The following TTC28 variants were observed in gnomAD, a reference collection of about 807,000 sequenced individuals.
TTC28 encodes tetratricopeptide repeat protein 28.
TTC28 carries 61 observed loss-of-function variants against 198.0 expected under a neutral mutation model. The ratio of observed to expected loss-of-function variants is 0.31; its 90% confidence interval spans 0.25 to 0.38. TTC28 has a LOEUF of 0.38. TTC28 is among the 10% of genes least tolerant of loss of function. TTC28 has a pLI of 1.00. For missense variants in TTC28, 2,678 were observed against 3,164.0 expected (o/e 0.85, Z 3.69); for synonymous variants, 1,171 against 1,297.8 (o/e 0.90, Z 2.10).
chr22:28,119,722 A>G (rs543408232), intron 6 of TTC28, among the ~76,000 whole-genome samples: 4 of 152,354 alleles, frequency 2.6e-5, no homozygotes, highest in African/African-American at 9.6e-5. Context: ...CAAAACGACA[A>G]TAGCACCACA....
chr22:28,295,869 T>G (rs1324283153), intron 5 of TTC28, among the ~76,000 whole-genome samples: 1 of 152,198 alleles, frequency 6.6e-6, no homozygotes, highest in Non-Finnish European at 1.5e-5. Context: ...TTTTTACAAT[T>G]TAATGAGTAT....
intron 11 of TTC28, 23 bp downstream of exon 11, chr22:28,096,167 G>A (rs765625306): frequency 2.0e-6 from 3 of 1,520,762 alleles, no homozygotes; most frequent in South Asian, 2.6e-5. Context: ...TAATTGCCCT[G>A]TTCCCACAGA....
At chr22:28,289,245 C>G (rs1000316764) in intron 5 of TTC28, among the ~76,000 whole-genome samples, 2 of 152,064 alleles carry the variant, frequency 1.3e-5, no homozygotes, top group Non-Finnish European at 2.9e-5. Flanking sequence ...AGGTATGTAT[C>G]CAGGAGGCAG....
chr22:28,173,700 T>G (rs1922897610), intron 5 of TTC28, among the ~76,000 whole-genome samples: 1 of 152,230 alleles, frequency 6.6e-6, no homozygotes, highest in African/African-American at 2.4e-5. Flanking sequence ...AGAAATTTGT[T>G]CATATTTCTT....
intron 2 of TTC28, among the ~76,000 whole-genome samples, chr22:28,460,607 GTAGATAGATAGATAGATAGATAGA>G (rs4035771): frequency 0.018 from 2,603 of 144,696 alleles, 43 homozygotes; most frequent in Middle Eastern, 0.056. Flanking sequence ...ATGATTAATG[GTAGATAGATAGATAGATAGATAGA>G]TAGATAGATA....
At chr22:28,268,581 A>T (rs1384943208) in intron 5 of TTC28, among the ~76,000 whole-genome samples, 1 of 152,204 alleles carries the variant, frequency 6.6e-6, no homozygotes, top group Non-Finnish European at 1.5e-5. Context: ...GTTTGAAAAT[A>T]TCTGATTCTA....
chr22:28,109,947 C>A (rs1441101710), intron 6 of TTC28, among the ~76,000 whole-genome samples: 3 of 152,194 alleles, frequency 2.0e-5, no homozygotes, highest in Non-Finnish European at 4.4e-5. Flanking sequence ...CTAGCCTCCC[C>A]AATTTGTGTA....
intron 2 of TTC28, among the ~76,000 whole-genome samples, chr22:28,364,386 G>A (rs919019789): frequency 3.9e-5 from 6 of 152,104 alleles, no homozygotes; most frequent in East Asian, 1.9e-4. Flanking sequence ...TCTGTCTTTT[G>A]TAAATTGCCC....
At chr22:28,304,170 AG>A (rs1054192382) in intron 3 of TTC28, among the ~76,000 whole-genome samples, 2 of 152,250 alleles carry the variant, frequency 1.3e-5, no homozygotes, top group Non-Finnish European at 2.9e-5. Flanking sequence ...CTGTAGTCCC[AG>A]CTACTCAGGA....
chr22:28,104,787 C>T (rs1942248703), intron 8 of TTC28, among the ~76,000 whole-genome samples: 1 of 152,136 alleles, frequency 6.6e-6, no homozygotes, highest in Non-Finnish European at 1.5e-5. Context: ...ACCTCAGCTG[C>T]CATGTCAGAA....
At chr22:28,259,871 A>G (rs1249402994) in intron 5 of TTC28, among the ~76,000 whole-genome samples, 1 of 152,156 alleles carries the variant, frequency 6.6e-6, no homozygotes, top group African/African-American at 2.4e-5. Context: ...CTCAGAGGAA[A>G]TTGCAAGGAG....
At chr22:28,198,695 A>G (rs1329955807) in intron 5 of TTC28, among the ~76,000 whole-genome samples, 1 of 152,078 alleles carries the variant, frequency 6.6e-6, no homozygotes, top group Admixed American at 6.6e-5. Flanking sequence ...CAGGCTGGAG[A>G]TAGGGCCCGG....
intron 2 of TTC28, among the ~76,000 whole-genome samples, chr22:28,484,911 T>C (rs1190107713): frequency 6.6e-6 from 1 of 152,196 alleles, no homozygotes; most frequent in Non-Finnish European, 1.5e-5. Context: ...TAGCATAGCA[T>C]CTGTAAATCT....
chr22:28,032,190 A>AAT (rs1315864224), intron 12 of TTC28, among the ~76,000 whole-genome samples: 93 of 72,996 alleles, frequency 1.3e-3, no homozygotes, highest in South Asian at 2.7e-3. Flanking sequence ...ATATATATAA[A>AAT]ATATATATAT....
intron 1 of TTC28, among the ~76,000 whole-genome samples, chr22:28,648,546 T>C (rs932167985): frequency 7.2e-5 from 11 of 152,230 alleles, no homozygotes; most frequent in African/African-American, 2.7e-4. Context: ...TGCATGCATA[T>C]GTTTATTGCC....
At chr22:28,078,969 A>G (rs1291072985) in intron 12 of TTC28, among the ~76,000 whole-genome samples, 1 of 152,196 alleles carries the variant, frequency 6.6e-6, no homozygotes, top group East Asian at 1.9e-4. Flanking sequence ...AGGTGAAAGG[A>G]GGCCAGGGGG....
intron 3 of TTC28, among the ~76,000 whole-genome samples, chr22:28,304,833 G>T (rs1475945123): frequency 1.3e-5 from 2 of 152,122 alleles, no homozygotes; most frequent in African/African-American, 4.8e-5. Flanking sequence ...CTGTGGAGGG[G>T]TGTAGGGAGA....
chr22:28,333,846 CTTTATTTTT>C (rs1428786851), intron 2 of TTC28, among the ~76,000 whole-genome samples: 1 of 151,694 alleles, frequency 6.6e-6, no homozygotes, highest in Non-Finnish European at 1.5e-5. Context: ...ACTGTATTTT[CTTTATTTTT>C]TATTTTTTAT....
At chr22:28,355,777 A>G (rs1337527086) in intron 2 of TTC28, among the ~76,000 whole-genome samples, 1 of 152,192 alleles carries the variant, frequency 6.6e-6, no homozygotes, top group Non-Finnish European at 1.5e-5. Flanking sequence ...TCAAAAGCCC[A>G]ACAGATCTCA....
Sources: gnomAD v4.1 joint callset for allele counts (sites outside exome capture counted in the v4.1 genomes callset) on GRCh38, gnomAD v4.1.1 for gene constraint, MANE v1.5 for transcripts, NCBI Gene and HGNC (gene_info 2026-07-23, HGNC 2026-07-21) for gene names.